C12orf42: variants seen among roughly 807,000 people sequenced by gnomAD.
C12orf42 encodes uncharacterized protein C12orf42.
C12orf42 carries 25 observed loss-of-function variants against 21.6 expected under a neutral mutation model. The ratio of observed to expected loss-of-function variants is 1.16; its 90% confidence interval spans 0.84 to 1.62. C12orf42 has a LOEUF of 1.62. Ranked by LOEUF, C12orf42 falls within the 40% of genes most tolerant of loss-of-function variation. The pLI is 0.00. For missense variants in C12orf42, 483 were observed against 459.3 expected (o/e 1.05, Z -0.47); for synonymous variants, 174 against 175.0 (o/e 0.99, Z 0.05).
the C12orf42 span, among the ~76,000 whole-genome samples, chr12:103,204,286 A>T: frequency 6.6e-6 from 1 of 152,150 alleles, no homozygotes; most frequent in East Asian, 1.9e-4. Flanking sequence ...TCTTTAAAAA[A>T]TCCCATTACA....
At chr12:103,324,582 TA>T (rs1342553752) in intron 4 of C12orf42, among the ~76,000 whole-genome samples, 1 of 152,210 alleles carries the variant, frequency 6.6e-6, no homozygotes, top group East Asian at 1.9e-4. Flanking sequence ...CCTGCTATTT[TA>T]AAATGTTCTG....
intron 3 of C12orf42, among the ~76,000 whole-genome samples, chr12:103,370,434 CT>C (rs1292549259): frequency 2.2e-4 from 34 of 152,186 alleles, no homozygotes; most frequent in African/African-American, 6.5e-4. Context: ...GCACATGTGT[CT>C]TCCTTGCAGC....
the C12orf42 span, among the ~76,000 whole-genome samples, chr12:103,133,961 C>T: frequency 5.5e-3 from 844 of 152,296 alleles, 8 homozygotes; most frequent in South Asian, 0.027. Flanking sequence ...CTGAGGTCTG[C>T]CCAGCCCTGT....
At chr12:103,354,773 G>T (rs1162770819) in intron 4 of C12orf42, among the ~76,000 whole-genome samples, 1 of 152,006 alleles carries the variant, frequency 6.6e-6, no homozygotes, top group Non-Finnish European at 1.5e-5. Flanking sequence ...GCCTAGGCTG[G>T]TCTCAAATTC....
intron 2 of C12orf42, among the ~76,000 whole-genome samples, chr12:103,460,732 A>G (rs1952645310): frequency 6.6e-6 from 1 of 152,228 alleles, no homozygotes; most frequent in Non-Finnish European, 1.5e-5. Context: ...ATTTATAAAC[A>G]GATTTTAGTA....
At chr12:103,352,823 G>A (rs184344909) in intron 4 of C12orf42, among the ~76,000 whole-genome samples, 1 of 152,204 alleles carries the variant, frequency 6.6e-6, no homozygotes, top group East Asian at 1.9e-4. Context: ...TTTTTATGAG[G>A]ATTAAATGGA....
the C12orf42 span, among the ~76,000 whole-genome samples, chr12:103,150,752 T>C: frequency 1.3e-5 from 2 of 152,258 alleles, no homozygotes; most frequent in South Asian, 2.1e-4. Context: ...ATTTCTAATA[T>C]AAAAAAATAC....
At chr12:103,065,059 G>A in the C12orf42 span, among the ~76,000 whole-genome samples, 1 of 152,168 alleles carries the variant, frequency 6.6e-6, no homozygotes, top group Non-Finnish European at 1.5e-5. Flanking sequence ...CCAAATGGAA[G>A]ACATTAAAGC....
chr12:103,244,688 CTT>C (rs2033927443), intron 10 of C12orf42, among the ~76,000 whole-genome samples: 2 of 151,902 alleles, frequency 1.3e-5, no homozygotes, highest in South Asian at 4.1e-4. Context: ...TCTTTTTTAT[CTT>C]GATTCCAAGG....
chr12:103,323,515 A>T (rs1024039236), intron 4 of C12orf42, among the ~76,000 whole-genome samples: 1 of 152,238 alleles, frequency 6.6e-6, no homozygotes, highest in Non-Finnish European at 1.5e-5. Context: ...AGGAAAAATG[A>T]AATTAGCAGA....
chr12:103,096,180 G>T, the C12orf42 span, among the ~76,000 whole-genome samples: 1 of 152,106 alleles, frequency 6.6e-6, no homozygotes, highest in African/African-American at 2.4e-5. Context: ...AAAGCAATCA[G>T]GTGCCATCTG....
intron 4 of C12orf42, among the ~76,000 whole-genome samples, chr12:103,312,605 G>A (rs2136667644): frequency 6.6e-6 from 1 of 152,176 alleles, no homozygotes; most frequent in East Asian, 1.9e-4. Context: ...ACTGAGGCAA[G>A]GGCACAACTT....
the C12orf42 span, among the ~76,000 whole-genome samples, chr12:103,551,809 T>G: frequency 3.3e-5 from 5 of 152,096 alleles, no homozygotes; most frequent in Admixed American, 1.3e-4. Context: ...AGAGCAAGAC[T>G]CTGTCTCAAA....
chr12:103,469,598 G>T (rs1019127733), intron 2 of C12orf42, among the ~76,000 whole-genome samples: 1 of 152,094 alleles, frequency 6.6e-6, no homozygotes, highest in Admixed American at 6.5e-5. Context: ...TTCCATTATT[G>T]CATAACTATA....
At position 103,323,862 on chromosome 12, in the gene C12orf42, CAT is replaced by C. The variant is rs1212555625; in HGVS notation, c.260-17519_260-17518del. On this transcript the variant is annotated intron_variant, in intron 4 of 5. Coordinates refer to ENST00000548883, the MANE Select transcript of C12orf42 (RefSeq NM_198521.5). The stretch of plus-strand genomic sequence containing the variant: ...TCCCTTTGGTAAGCCTGGCATATAA[CAT>C]ATTATAATGCAGTCATTCAACATGA... Among the ~76,000 whole-genome samples, 83 of 152,252 alleles carry C rather than the reference CAT, an allele frequency of 5.5e-4. 1 individual carries two copies. The highest frequency in any genetic ancestry group is 5.4e-3 in the Admixed American group (83 of 15,288).
At chr12:103,524,353 G>A in the C12orf42 span, among the ~76,000 whole-genome samples, 6 of 152,124 alleles carry the variant, frequency 3.9e-5, no homozygotes, top group African/African-American at 1.4e-4. Context: ...GATTCCCATC[G>A]TTTCCAGCCA....
chr12:103,133,148 C>T, the C12orf42 span, among the ~76,000 whole-genome samples: 1 of 152,160 alleles, frequency 6.6e-6, no homozygotes, highest in African/African-American at 2.4e-5. Context: ...AGGTTAGGCT[C>T]ATCCAACCTG....
At chr12:103,201,145 G>A in the C12orf42 span, among the ~76,000 whole-genome samples, 8 of 152,212 alleles carry the variant, frequency 5.3e-5, no homozygotes, top group Non-Finnish European at 1.2e-4. Flanking sequence ...ATCAGGCATT[G>A]TTATGGAGAA....
chr12:103,286,183 G>A (rs1248771820), intron 4 of C12orf42, among the ~76,000 whole-genome samples: 2 of 151,764 alleles, frequency 1.3e-5, no homozygotes, highest in African/African-American at 4.8e-5. Flanking sequence ...CCCGGGAGGC[G>A]GAGCTTGCAG....
Sources: gnomAD v4.1 joint callset for allele counts (sites outside exome capture counted in the v4.1 genomes callset) on GRCh38, gnomAD v4.1.1 for gene constraint, MANE v1.5 for transcripts, NCBI Gene and HGNC (gene_info 2026-07-23, HGNC 2026-07-21) for gene names.